Variants in TENT2 observed in about 807,000 individuals in gnomAD.
The protein encoded by TENT2 is poly(A) RNA polymerase GLD2.
TENT2 carries 44 observed loss-of-function variants against 72.2 expected under a neutral mutation model. The ratio of observed to expected loss-of-function variants is 0.61; its 90% CI spans 0.48 to 0.78. The LOEUF is 0.78. Among genes scored for constraint, TENT2 ranks in the 30% least tolerant of loss-of-function variants. The probability of loss-of-function intolerance (pLI) is 0.00; values close to 1 mark genes in which losing one functional copy is unlikely to be tolerated. For missense variants in TENT2, 541 were observed against 569.6 expected (o/e 0.95, Z 0.51); for synonymous variants, 212 against 192.5 (o/e 1.10, Z -0.84).
chr5:79,676,624 G>A (rs752639994), intron 12 of TENT2, among the ~76,000 whole-genome samples: 13 of 152,066 alleles, frequency 8.5e-5, no homozygotes, highest in Non-Finnish European at 1.8e-4. Flanking sequence ...AGAGTTTATT[G>A]ATGAATGCCA....
chr5:79,626,278 G>T (rs1450659934), intron 4 of TENT2, among the ~76,000 whole-genome samples: 1 of 150,992 alleles, frequency 6.6e-6, no homozygotes, highest in African/African-American at 2.4e-5. Context: ...TGGGACTATC[G>T]ATAGGTGTGG....
In TENT2 at chr5:79,668,918, G is replaced by C; in HGVS notation, c.1098G>C (p.Leu366=). The part of the protein sequence containing the change: ...YPESFSPAIQ[L]HLVHQAPCNV... ...AGTCTTTTAGTCCTGCTATACAGCT[G>C]CACCTTGTACATCAAGCTCCATGTA... Residue 366 remains leucine, a synonymous_variant, in exon 12 of 15, where the codon CTG becomes CTC. Coordinates refer to ENST00000453514, the MANE Select transcript of TENT2 (RefSeq NM_001114394.3). 2.5e-6 allele frequency: 4 copies of C among 1,613,442 alleles called. No homozygotes were observed. Among genetic ancestry groups the C allele is most frequent in the Non-Finnish European group, 2.5e-6 (3 of 1,179,646 alleles).
chr5:79,629,248 C>T (rs1399366975), intron 4 of TENT2, among the ~76,000 whole-genome samples: 1 of 152,146 alleles, frequency 6.6e-6, no homozygotes, highest in African/African-American at 2.4e-5. Flanking sequence ...TGATACCATT[C>T]CTCTGTTTAC....
intron 4 of TENT2, among the ~76,000 whole-genome samples, chr5:79,632,212 G>A (rs1410727270): frequency 6.6e-6 from 1 of 152,160 alleles, no homozygotes; most frequent in Non-Finnish European, 1.5e-5. Flanking sequence ...TCAGTCAGCT[G>A]AATCTGCCAG....
At chr5:79,623,763 G>A (rs1391399901) in intron 4 of TENT2, 3 of 242,014 alleles carry the variant, frequency 1.2e-5, no homozygotes, top group Middle Eastern at 1.3e-3. Context: ...GAACTGTCTT[G>A]TTACTTGTTT....
intron 11 of TENT2, among the ~76,000 whole-genome samples, chr5:79,657,688 GTTTC>G (rs1387392857): frequency 6.6e-6 from 1 of 151,924 alleles, no homozygotes; most frequent in Non-Finnish European, 1.5e-5. Flanking sequence ...AGAATTCTCT[GTTTC>G]TTTGTTTTAT....
chr5:79,656,819 A>T (rs1057325124), intron 10 of TENT2, 139 bp from the exon 11 acceptor site: 13 of 553,914 alleles, frequency 2.3e-5, no homozygotes, highest in Non-Finnish European at 3.8e-5. Flanking sequence ...GATAAGAATT[A>T]ATTTCATGAA....
chr5:79,663,172 G>T (rs1018367426), intron 11 of TENT2, among the ~76,000 whole-genome samples: 4 of 152,128 alleles, frequency 2.6e-5, no homozygotes, highest in Non-Finnish European at 5.9e-5. Context: ...AGAGAGTCTT[G>T]CTCTGGTTAG....
intron 11 of TENT2, 197 bp from the exon 12 acceptor site, chr5:79,668,695 A>T: frequency 1.9e-6 from 1 of 519,292 alleles, no homozygotes; most frequent in African/African-American, 1.9e-5. Context: ...TTAGAATGTT[A>T]GTTTTTCAGG....
intron 13 of TENT2, among the ~76,000 whole-genome samples, chr5:79,681,306 C>T (rs542059488): frequency 5.5e-4 from 83 of 151,394 alleles, no homozygotes; most frequent in African/African-American, 6.3e-4. Context: ...ACTACAGGCG[C>T]GCACCACCAT....
chr5:79,685,171 T>G, intron 14 of TENT2, 28 bp from the exon 15 acceptor site: 1 of 1,543,814 alleles, frequency 6.5e-7, no homozygotes, highest in Non-Finnish European at 8.9e-7. Flanking sequence ...ATTTTAGGTT[T>G]TAAGAATGAT....
At chr5:79,644,877 A>G (rs1419954934) in intron 7 of TENT2, 1 of 333,346 alleles carries the variant, frequency 3.0e-6, no homozygotes, top group African/African-American at 2.1e-5. Context: ...GGTCTAATGA[A>G]CTTCTCTATA....
chr5:79,645,959 T>G (rs1788614991), intron 8 of TENT2, among the ~76,000 whole-genome samples: 3 of 152,206 alleles, frequency 2.0e-5, no homozygotes, highest in African/African-American at 4.8e-5. Context: ...TACGCTTTTG[T>G]GGTCATTTCG....
Position 79,649,163 on chromosome 5 carries a change from G to T in TENT2, c.1000G>T (p.Val334Leu). The T allele has an allele frequency of 6.2e-7, 1 of 1,613,402 alleles. No homozygotes were observed. Among genetic ancestry groups the T allele is most frequent in the Non-Finnish European group, 8.5e-7 (1 of 1,179,632 alleles). The change falls in exon 10 of 15, where the codon GTA becomes TTA. Residue 334 changes from valine to leucine, a missense_variant. Coordinates refer to ENST00000453514, the MANE Select transcript of TENT2 (RefSeq NM_001114394.3). ...TGGTACTTTAAGCAGCTATAGTCTTGTATTGATGGTTTTGCACTATTTACA... is the reference window on the plus strand; with the variant it reads ...TGGTACTTTAAGCAGCTATAGTCTTTTATTGATGGTTTTGCACTATTTACA... ...SRGTLSSYSL[V>L]LMVLHYLQTL...
intron 11 of TENT2, among the ~76,000 whole-genome samples, chr5:79,658,759 G>A (rs1273822366): frequency 3.3e-5 from 5 of 152,124 alleles, no homozygotes; most frequent in Non-Finnish European, 7.4e-5. Context: ...GGAGACTGGC[G>A]AAATATCAGT....
chr5:79,678,401 TAAATGGTAGAGA>T, intron 12 of TENT2, among the ~76,000 whole-genome samples: 2 of 152,236 alleles, frequency 1.3e-5, no homozygotes, highest in East Asian at 3.9e-4. Context: ...TCTGCTTGCT[TAAATGGTAGAGA>T]AAGTTAAATA....
At chr5:79,642,946 G>T in intron 7 of TENT2, 36 bp downstream of exon 7, 2 of 1,597,590 alleles carry the variant, frequency 1.3e-6, no homozygotes, top group South Asian at 2.3e-5. Flanking sequence ...TATGTCACCT[G>T]ACGTAACTTT....
At chr5:79,674,924 T>C (rs905052887) in intron 12 of TENT2, among the ~76,000 whole-genome samples, 5 of 152,162 alleles carry the variant, frequency 3.3e-5, no homozygotes, top group African/African-American at 9.7e-5. Flanking sequence ...GTCATTATTT[T>C]TTGATAGATT....
At chr5:79,645,242 G>A (rs1787884194) in intron 8 of TENT2, 50 bp downstream of exon 8, 1 of 1,348,626 alleles carries the variant, frequency 7.4e-7, no homozygotes, top group African/African-American at 1.5e-5. Flanking sequence ...ATCATTTTTA[G>A]ATACTCATCT....
Sources: gnomAD v4.1 joint callset for allele counts (sites outside exome capture counted in the v4.1 genomes callset) on GRCh38, gnomAD v4.1.1 for gene constraint, MANE v1.5 for transcripts, NCBI Gene and HGNC (gene_info 2026-07-23, HGNC 2026-07-21) for gene names.